Variants in ZNF540 observed in about 807,000 individuals in gnomAD.
ZNF540 encodes the protein zinc finger protein 540, also known as CTD-3064H18.6.
Under a neutral mutation model 11.8 loss-of-function variants are expected in ZNF540, and 3 were observed. The observed-to-expected ratio is 0.25, with a 90% CI of 0.12 to 0.65. The LOEUF is 0.65. ZNF540 is among the 30% of genes least tolerant of loss of function. The pLI is 0.83. For synonymous variants in ZNF540, 247 were observed against 259.0 expected (o/e 0.95, Z 0.45); for missense variants, 709 against 793.1 (o/e 0.89, Z 1.27).
chr19:37,576,648 T>C (rs1280616307), intron 1 of ZNF540, among the ~76,000 whole-genome samples: 9 of 152,142 alleles, frequency 5.9e-5, no homozygotes, highest in Non-Finnish European at 1.2e-4. Flanking sequence ...ATGTTTAAGA[T>C]TATAAACAAA....
At chr19:37,609,542 C>CT (rs1362029311) in intron 4 of ZNF540, among the ~76,000 whole-genome samples, 1 of 148,938 alleles carries the variant, frequency 6.7e-6, no homozygotes, top group Non-Finnish European at 1.5e-5. Context: ...AAGACTCTGT[C>CT]TTGGGGGGCA....
In ZNF540 at chr19:37,611,525, G is replaced by T; in HGVS notation, c.245G>T (p.Arg82Met). The change falls in exon 5 of 5, where the codon AGG becomes ATG. Residue 82 changes from arginine (R) to methionine (M), a missense_variant. Transcript: ENST00000316433. ...TGRQCPGLLS[R>M]HKTKKLSSEK... ...TGTTTTCTTTCAGGTTTGTTATCCA[G>T]GCATAAGACCAAGAAATTATCTTCA... 6.3e-7 allele frequency: 1 copy of T among 1,594,900 alleles called. No individual in the cohort carries two copies. Among genetic ancestry groups the T allele is most frequent in the South Asian group, 1.2e-5 (1 of 86,908 alleles).
intron 1 of ZNF540, among the ~76,000 whole-genome samples, chr19:37,570,202 T>A (rs2043004790): frequency 6.6e-6 from 1 of 152,188 alleles, no homozygotes; most frequent in African/African-American, 2.4e-5. Context: ...GTTTCCTGGG[T>A]CCTTGGTCAT....
chr19:37,567,622 T>G (rs2042906105), intron 1 of ZNF540: 1 of 152,212 alleles, frequency 6.6e-6, no homozygotes, highest in East Asian at 1.9e-4. Flanking sequence ...TTTTAGATTT[T>G]CCATATGCTG....
At position 37,611,701 on chromosome 19, in the gene ZNF540, CAAAA is replaced by C; in HGVS notation, c.422_425del (p.Gln141ArgfsTer19). On this transcript the variant is annotated frameshift_variant, in exon 5 of 5. Transcript: ENST00000316433. LOFTEE classifies it low-confidence loss of function (END_TRUNC). Reference sequence around the variant, plus strand: ...GGGACTTAAAGAAAGATCTATCAGTCAAAAGAAAATCGTCTCTAAAAAAATGTCA... The same window carrying C: ...GGGACTTAAAGAAAGATCTATCAGTCGAAAATCGTCTCTAAAAAAATGTCA... 2.5e-6 allele frequency: 4 copies of C among 1,613,582 alleles called. No homozygotes were observed. Among genetic ancestry groups the C allele is most frequent in the Non-Finnish European group, 3.4e-6 (4 of 1,179,810 alleles).
At chr19:37,599,551 C>G in intron 2 of ZNF540, 75 bp from the exon 3 acceptor site, 2 of 1,591,068 alleles carry the variant, frequency 1.3e-6, no homozygotes, top group Non-Finnish European at 1.7e-6. Context: ...GCAATGAAAC[C>G]TTTTATCTCC....
Position 37,565,177 on chromosome 19 carries a change from C to T in ZNF540, c.-73+13512C>T, listed in dbSNP as rs764829714. ...TTCCACATTCCTTACATTTGTAGGGCTTCTCTCCGGTATGAATTCTTTGAT... is the reference window on the plus strand; with the variant it reads ...TTCCACATTCCTTACATTTGTAGGGTTTCTCTCCGGTATGAATTCTTTGAT... On this transcript the variant is annotated intron_variant, in intron 1 of 4. Transcript: ENST00000592533. 7 of 1,611,684 alleles carry T rather than the reference C, an allele frequency of 4.3e-6. No homozygotes were observed. The African/African-American group carries it at 8.1e-5, about 19-fold the overall frequency.
chr19:37,561,002 C>T (rs1278904433), intron 1 of ZNF540: 1 of 133,302 alleles, frequency 7.5e-6, no homozygotes, highest in African/African-American at 2.8e-5. Flanking sequence ...ACTTGAAGCC[C>T]GGGATTTGAG....
chr19:37,602,544 C>T (rs534678882), intron 4 of ZNF540, among the ~76,000 whole-genome samples: 47 of 152,254 alleles, frequency 3.1e-4, no homozygotes, highest in African/African-American at 1.1e-3. Context: ...TATCGACTGT[C>T]TGGTCCTTTA....
intron 1 of ZNF540, among the ~76,000 whole-genome samples, chr19:37,583,264 A>G (rs932622203): frequency 1.3e-5 from 2 of 152,230 alleles, no homozygotes; most frequent in African/African-American, 4.8e-5. Context: ...TGTGCTGGCT[A>G]GAGATACTTA....
At chr19:37,609,705 G>A (rs1317094322) in intron 4 of ZNF540, among the ~76,000 whole-genome samples, 2 of 151,740 alleles carry the variant, frequency 1.3e-5, no homozygotes, top group Admixed American at 6.6e-5. Context: ...AAAATTAGCT[G>A]GGTTTGGTGG....
intron 1 of ZNF540, chr19:37,583,668 ATAT>A (rs2043555731): frequency 1.0e-5 from 2 of 199,046 alleles, no homozygotes; most frequent in African/African-American, 4.7e-5. Context: ...TAAGGAAAGT[ATAT>A]TTGGCTTAGG....
intron 4 of ZNF540, among the ~76,000 whole-genome samples, chr19:37,609,359 T>C (rs902632173): frequency 1.3e-5 from 2 of 151,588 alleles, no homozygotes; most frequent in African/African-American, 4.9e-5. Flanking sequence ...CTGGCCAATA[T>C]AGTGAAACCC....
chr19:37,612,849 T>C lies in ZNF540; in HGVS notation c.1569T>C (p.Tyr523=). 1 of 1,614,096 alleles carries C rather than the reference T, an allele frequency of 6.2e-7. No homozygotes were observed. Among genetic ancestry groups the C allele is most frequent in the Non-Finnish European group, 8.5e-7 (1 of 1,180,012 alleles). Residue 523 remains tyrosine (Y), a synonymous_variant, in exon 5 of 5, where the codon TAT becomes TAC. Coordinates refer to ENST00000316433, the MANE Select transcript of ZNF540 (RefSeq NM_001172225.3). ...GAATTCACACTGGTGAAAAGCCCTA[T>C]AAATGTAAAGAATGTGGAAAGGCCT... ...HQRIHTGEKP[Y]KCKECGKAFI...
At chr19:37,576,817 C>A (rs912699256) in intron 1 of ZNF540, among the ~76,000 whole-genome samples, 2 of 152,132 alleles carry the variant, frequency 1.3e-5, no homozygotes, top group Non-Finnish European at 2.9e-5. Context: ...CAAAGTTATT[C>A]ACTTTGTTAA....
upstream of ZNF540, among the ~76,000 whole-genome samples, chr19:37,590,730 C>T (rs1431705726): frequency 6.6e-6 from 1 of 152,070 alleles, no homozygotes; most frequent in Non-Finnish European, 1.5e-5. Context: ...ATTTTTGCAA[C>T]TTCTCTGTAA....
intron 1 of ZNF540, chr19:37,563,809 GGAATATATGTATATATT>G (rs1165191852): frequency 1.2e-5 from 1 of 81,056 alleles, no homozygotes; most frequent in African/African-American, 3.2e-5. Context: ...ACACACATGT[GGAATATATGTATATATT>G]CCACATACAC....
At chr19:37,552,985 A>G (rs1444828713) in intron 1 of ZNF540, among the ~76,000 whole-genome samples, 1 of 137,886 alleles carries the variant, frequency 7.3e-6, no homozygotes, top group Non-Finnish European at 1.5e-5. Flanking sequence ...TCACATAGCC[A>G]TTTTGGTATA....
At chr19:37,596,027 G>A (rs907749814) in intron 1 of ZNF540, among the ~76,000 whole-genome samples, 3 of 151,964 alleles carry the variant, frequency 2.0e-5, no homozygotes, top group African/African-American at 7.3e-5. Flanking sequence ...ATTCATATGA[G>A]GTTGTAAGAA....
Sources: allele counts gnomAD v4.1 joint callset (sites outside exome capture counted in the v4.1 genomes callset), GRCh38; gene constraint gnomAD v4.1.1; transcripts MANE v1.5; gene names NCBI Gene and HGNC (gene_info 2026-07-23, HGNC 2026-07-21).